Variants in VAMP1 observed in about 807,000 individuals in gnomAD.
The protein encoded by VAMP1 is vesicle-associated membrane protein 1.
In VAMP1, 16 loss-of-function variants were observed where a neutral mutation model predicts 19.1. That is an observed-to-expected ratio of 0.84 (90% confidence interval 0.57 to 1.27). VAMP1 has a LOEUF of 1.27. VAMP1 is among the 50% of genes most tolerant of loss of function. The pLI is 0.00. For missense variants in VAMP1, 109 were observed against 145.4 expected (o/e 0.75, Z 1.29); for synonymous variants, 37 against 50.2 (o/e 0.74, Z 1.11).
Position 6,464,055 on chromosome 12 carries a change from C to T in VAMP1, c.*415G>A. ...GAGCTGCCATCTTCCCAGCCCCTCC[C>T]TAGCTCCTACCAGTGGCCAGGTTTT... is the stretch of plus-strand genomic sequence containing the variant. On this transcript the variant is annotated 3_prime_UTR_variant, in exon 5 of 5. Coordinates refer to ENST00000396308, the MANE Select transcript of VAMP1 (RefSeq NM_014231.5). 1 of 1,298,208 alleles carries T rather than the reference C, an allele frequency of 7.7e-7. No homozygotes were observed. Among genetic ancestry groups the T allele is most frequent in the Non-Finnish European group, 1.0e-6 (1 of 994,798 alleles). The allele number at this position is 1,298,208 out of a possible 1,614,324, so 80.4% of individuals were successfully genotyped here.
intron 3 of VAMP1, 101 bp from the exon 4 acceptor site, chr12:6,465,042 T>C: frequency 9.6e-6 from 15 of 1,554,482 alleles, no homozygotes; most frequent in Admixed American, 1.9e-5. Context: ...CTTGGGACAA[T>C]GGAAAAAACC....
rs1337556905 is a variant in VAMP1 at position 6,464,055 on chromosome 12, C to G, written c.*415G>C. On this transcript the variant is annotated 3_prime_UTR_variant, in exon 5 of 5. Transcript: ENST00000396308. ...GAGCTGCCATCTTCCCAGCCCCTCC[C>G]TAGCTCCTACCAGTGGCCAGGTTTT... 7.7e-7 allele frequency: 1 copy of G among 1,298,090 alleles called. No individual in the cohort carries two copies. The highest frequency in any genetic ancestry group is 1.0e-6 in the Non-Finnish European group (1 of 994,806). 80.4% of individuals were successfully genotyped at this position (1,298,090 alleles called of 1,614,324 possible).
Position 6,464,008 on chromosome 12 carries a change from A to G in VAMP1, c.*462T>C. On this transcript the variant is annotated 3_prime_UTR_variant, in exon 5 of 5. Coordinates refer to ENST00000396308, the MANE Select transcript of VAMP1 (RefSeq NM_014231.5). The stretch of plus-strand genomic sequence containing the variant: ...GGCCTGGTCCAGGAAGGAAAGCTCC[A>G]CATGACCAGGCAGTACTGAGTGAGC... 7.7e-7 allele frequency: 1 copy of G among 1,292,526 alleles called. No homozygotes were observed. Among genetic ancestry groups the G allele is most frequent in the African/African-American group, 1.5e-5 (1 of 66,152 alleles). 80.1% of individuals were successfully genotyped at this position (1,292,526 alleles called of 1,614,324 possible). A position where few individuals can be genotyped will look rare whatever the true frequency, so the allele number is the denominator to read the frequency against.
intron 1 of VAMP1, among the ~76,000 whole-genome samples, chr12:6,469,855 C>A (rs1055819606): frequency 6.6e-6 from 1 of 152,186 alleles, no homozygotes; most frequent in Non-Finnish European, 1.5e-5. Flanking sequence ...CTCCCTATTT[C>A]TCCTCCAACT....
chr12:6,469,899 C>G (rs1242575161), intron 1 of VAMP1, among the ~76,000 whole-genome samples: 3 of 152,178 alleles, frequency 2.0e-5, no homozygotes, highest in Non-Finnish European at 4.4e-5. Flanking sequence ...AAAACATCTC[C>G]TATACGAATG....
At position 6,464,330 on chromosome 12, in the gene VAMP1, C is replaced by T. The variant is rs561376892; in HGVS notation, c.*140G>A. On this transcript the variant is annotated 3_prime_UTR_variant, in exon 5 of 5. Transcript: ENST00000396308. ...AGGGACAGAGTGCAAATGAACGCAA[C>T]GAAAAAGGAGGAATGGGTGATGGAG... 2.0e-5 allele frequency: 31 copies of T among 1,548,816 alleles called. No individual in the cohort carries two copies. The highest frequency in any genetic ancestry group is 3.6e-5 in the South Asian group (3 of 83,736).
In VAMP1 at chr12:6,470,618, G is replaced by T. The variant is rs528880310; in HGVS notation, c.-87C>A. On this transcript the variant is annotated 5_prime_UTR_variant, in exon 1 of 5. Transcript: ENST00000396308. ...AGGGACGCTGCGGCTGAAGTGGACG[G>T]AACTGCCAAGCTCCGCCTCGCGCCG... is the stretch of plus-strand genomic sequence containing the variant. 3 of 1,567,804 alleles carry T rather than the reference G, an allele frequency of 1.9e-6. No homozygotes were observed. Among genetic ancestry groups the T allele is most frequent in the African/African-American group, 2.7e-5 (2 of 73,916 alleles).
In VAMP1 at chr12:6,462,739, G is replaced by T; in HGVS notation, c.*1731C>A. The stretch of plus-strand genomic sequence containing the variant: ...ACAGTGGTGGTTCTTCTCCAGCGGT[G>T]ACCCCCTGCATTAGGCAAGGAGGAG... On this transcript the variant is annotated 3_prime_UTR_variant, in exon 5 of 5. Coordinates refer to ENST00000396308, the MANE Select transcript of VAMP1 (RefSeq NM_014231.5). 2 of 1,330,142 alleles carry T rather than the reference G, an allele frequency of 1.5e-6. No individual in the cohort carries two copies. Among genetic ancestry groups the T allele is most frequent in the South Asian group, 1.4e-5 (1 of 69,954 alleles). 82.4% of individuals were successfully genotyped at this position (1,330,142 alleles called of 1,614,324 possible).
Position 6,463,580 on chromosome 12 carries a change from C to T in VAMP1, c.*890G>A, listed in dbSNP as rs1265548462. 1.9e-6 allele frequency: 2 copies of T among 1,062,474 alleles called. No individual in the cohort carries two copies. Among genetic ancestry groups the T allele is most frequent in the Admixed American group, 5.0e-5 (1 of 19,958 alleles). 65.8% of individuals were successfully genotyped at this position (1,062,474 alleles called of 1,614,324 possible). ...GAGCTTGTTACTTTCAAATTAAGCACTTGACTCACTGTTTCTCTATAACTA... is the reference window on the plus strand; with the variant it reads ...GAGCTTGTTACTTTCAAATTAAGCATTTGACTCACTGTTTCTCTATAACTA... On this transcript the variant is annotated 3_prime_UTR_variant, in exon 5 of 5. Transcript: ENST00000396308. The surrounding 1 kb of genome is among the most constrained non-coding windows in gnomAD (Gnocchi z 4.0).
At chr12:6,470,161 C>A (rs1348645529) in intron 1 of VAMP1, among the ~76,000 whole-genome samples, 1 of 152,198 alleles carries the variant, frequency 6.6e-6, no homozygotes, top group Non-Finnish European at 1.5e-5. Context: ...AGTGATTTAG[C>A]CAGATGACAG....
Position 6,466,134 on chromosome 12 carries a change from T to C in VAMP1, c.129+91A>G, listed in dbSNP as rs186173507. ...TGCCTCTCAGGGCCTTTGACTATTCTCCTACGAAAAAAGGAGAAAAGATAA... is the reference window on the plus strand; with the variant it reads ...TGCCTCTCAGGGCCTTTGACTATTCCCCTACGAAAAAAGGAGAAAAGATAA... On this transcript the variant is annotated intron_variant, in intron 2 of 4. Coordinates refer to ENST00000396308, the MANE Select transcript of VAMP1 (RefSeq NM_014231.5). 6.0e-5 allele frequency: 95 copies of C among 1,587,304 alleles called. No individual in the cohort carries two copies. The East Asian group carries it at 2.1e-3, about 35-fold the overall frequency.
chr12:6,464,970 C>G (rs779097775), intron 3 of VAMP1, 29 bp from the exon 4 acceptor site: 2 of 1,612,650 alleles, frequency 1.2e-6, no homozygotes, highest in Non-Finnish European at 1.7e-6. Context: ...AAAATGAGCC[C>G]TTGGATTTCA....
At chr12:6,468,774 T>C (rs971432931) in intron 1 of VAMP1, among the ~76,000 whole-genome samples, 3 of 152,142 alleles carry the variant, frequency 2.0e-5, no homozygotes, top group African/African-American at 7.2e-5. Context: ...TCCTAAAGAA[T>C]TCCCAGAAGT....
chr12:6,463,442 A>G lies in VAMP1; in HGVS notation c.*1028T>C, dbSNP rs941883742. 9.6e-7 allele frequency: 1 copy of G among 1,044,580 alleles called. No individual in the cohort carries two copies. Among genetic ancestry groups the G allele is most frequent in the African/African-American group, 1.7e-5 (1 of 58,450 alleles). The allele number at this position is 1,044,580 out of a possible 1,614,324, so 64.7% of individuals were successfully genotyped here. On this transcript the variant is annotated 3_prime_UTR_variant, in exon 5 of 5. Transcript: ENST00000396308. The surrounding 1 kb of genome is among the most constrained non-coding windows in gnomAD (Gnocchi z 4.0). ...GCAAGTGCACGGGTGGTGTGGAGGA[A>G]AGGATTCCATGGGTGTCCAAAGATC...
chr12:6,463,068 A>G lies in VAMP1; in HGVS notation c.*1402T>C, dbSNP rs1949922491. 3.3e-6 allele frequency: 5 copies of G among 1,536,846 alleles called. No homozygotes were observed. The highest frequency in any genetic ancestry group is 2.4e-5 in the South Asian group (2 of 83,746). On this transcript the variant is annotated 3_prime_UTR_variant, in exon 5 of 5. Transcript: ENST00000396308. This position sits in a 1 kb window ranked among gnomAD's most constrained non-coding sequence, Gnocchi z 4.0. ...CCCCTTGCACCTGGGCTTATCCCAC[A>G]TTAATAGCCCATCCTGAAGCTCAGC... is the stretch of plus-strand genomic sequence containing the variant.
At position 6,463,669 on chromosome 12, in the gene VAMP1, T is replaced by C; in HGVS notation, c.*801A>G. On this transcript the variant is annotated 3_prime_UTR_variant, in exon 5 of 5. Coordinates refer to ENST00000396308, the MANE Select transcript of VAMP1 (RefSeq NM_014231.5). The surrounding 1 kb of genome is among the most constrained non-coding windows in gnomAD (Gnocchi z 4.0). ...AGCTAGGTTAAATTATTTGGCTAGA[T>C]AAAACTACCAGCTAGATGGATTTAT... 9.2e-7 allele frequency: 1 copy of C among 1,087,030 alleles called. No individual in the cohort carries two copies. The highest frequency in any genetic ancestry group is 1.1e-6 in the Non-Finnish European group (1 of 889,120). The allele number at this position is 1,087,030 out of a possible 1,614,324, so 67.3% of individuals were successfully genotyped here.
In VAMP1 at chr12:6,470,542, G is replaced by A; in HGVS notation, c.-11C>T. The A allele has an allele frequency of 6.2e-7, 1 of 1,614,002 alleles. No individual in the cohort carries two copies. The highest frequency in any genetic ancestry group is 1.3e-5 in the African/African-American group (1 of 75,044). ...AGAGTCAACTCACATTTTTCTGACA[G>A]AGAGAGTGAGGGTCTGTTCCTCTCC... On this transcript the variant is annotated 5_prime_UTR_variant, in exon 1 of 5. Transcript: ENST00000396308.
intron 3 of VAMP1, chr12:6,465,389 T>C (rs1290410206): frequency 4.4e-5 from 3 of 68,114 alleles, no homozygotes; most frequent in African/African-American, 1.0e-4. Context: ...TATATATGTA[T>C]ATATATATAT....
rs754046104 is a variant in VAMP1, at chr12:6,465,984, C to G, written c.146G>C (p.Arg49Pro). 2.3e-5 allele frequency: 37 copies of G among 1,614,134 alleles called. No individual in the cohort carries two copies. The highest frequency in any genetic ancestry group is 3.1e-5 in the Non-Finnish European group (37 of 1,180,052). The change falls in exon 3 of 5, where the codon CGT becomes CCT. Residue 49 changes from arginine (R) to proline (P), a missense_variant. Arg to Pro is a moderately radical substitution (Grantham distance 103). Coordinates refer to ENST00000396308, the MANE Select transcript of VAMP1 (RefSeq NM_014231.5). The stretch of plus-strand genomic sequence containing the variant: ...CTCCAGGACCTTGTCCACGTTCACA[C>G]GTATGATGTCCACCACCTGAGGAGG... ...AQVEEVVDII[R>P]VNVDKVLERD...
Sources: allele counts gnomAD v4.1 joint callset (sites outside exome capture counted in the v4.1 genomes callset), GRCh38; gene constraint gnomAD v4.1.1; non-coding constraint Gnocchi (gnomAD v3.1); transcripts MANE v1.5; gene names NCBI Gene and HGNC (gene_info 2026-07-23, HGNC 2026-07-21).